DIP2B: variants seen among roughly 807,000 people sequenced by gnomAD.
DIP2B encodes DIP2 acetate--CoA ligase B (putative).
DIP2B carries 76 observed loss-of-function variants against 198.0 expected under a neutral mutation model. The observed-to-expected ratio is 0.38, with a 90% confidence interval of 0.32 to 0.46. The LOEUF is 0.46. Among genes scored for constraint, DIP2B ranks in the 20% least tolerant of loss-of-function variants. The pLI is 0.99. For synonymous variants in DIP2B, 701 were observed against 739.1 expected, an observed-to-expected ratio of 0.95 and a Z score of 0.84; for missense variants, 1,559 against 1,978.4, an observed-to-expected ratio of 0.79 and a Z score of 4.02.
intron 28 of DIP2B, among the ~76,000 whole-genome samples, chr12:50,725,781 C>T (rs1325667093): frequency 1.3e-5 from 2 of 151,918 alleles, no homozygotes; most frequent in African/African-American, 2.4e-5. Flanking sequence ...GTTAAATAAG[C>T]AGCAGAACTG....
intron 1 of DIP2B, among the ~76,000 whole-genome samples, chr12:50,617,565 T>G (rs1186134667): frequency 1.3e-5 from 2 of 151,564 alleles, no homozygotes; most frequent in Non-Finnish European, 2.9e-5. Flanking sequence ...TCCCAGCACT[T>G]TGGGAGGCCA....
intron 2 of DIP2B, among the ~76,000 whole-genome samples, chr12:50,628,584 G>A (rs563355470): frequency 6.6e-5 from 10 of 152,050 alleles, no homozygotes; most frequent in African/African-American, 2.2e-4. Context: ...TCTCTGTCTC[G>A]TACAGTCACT....
Position 50,640,602 on chromosome 12 carries a change from C to G in DIP2B, c.173-122C>G. The G allele has an allele frequency of 3.9e-6, 4 of 1,013,762 alleles. No homozygotes were observed. In the South Asian group the frequency reaches 6.8e-5, roughly 17 times the overall value. 62.8% of individuals were successfully genotyped at this position (1,013,762 alleles called of 1,614,324 possible). A position where few individuals can be genotyped will look rare whatever the true frequency, so the allele number is the denominator to read the frequency against. ...TTATGTATTTATATTGAAACTCTAACCCTTTACTGTAGATGGGGTAATAGT... is the reference window on the plus strand; with the variant it reads ...TTATGTATTTATATTGAAACTCTAAGCCTTTACTGTAGATGGGGTAATAGT... On this transcript the variant is annotated intron_variant, in intron 2 of 37. Coordinates refer to ENST00000301180, the MANE Select transcript of DIP2B (RefSeq NM_173602.3).
chr12:50,540,577 C>T (rs1240399354), intron 1 of DIP2B, among the ~76,000 whole-genome samples: 8 of 121,504 alleles, frequency 6.6e-5, no homozygotes, highest in African/African-American at 2.5e-4. Context: ...GAGATGGAGT[C>T]TCGCTCTGTC....
At chr12:50,725,172 T>C (rs1461046640) in intron 28 of DIP2B, among the ~76,000 whole-genome samples, 2 of 152,190 alleles carry the variant, frequency 1.3e-5, no homozygotes, top group Non-Finnish European at 2.9e-5. Context: ...ACTATGTACA[T>C]GTAGGGCCAA....
At chr12:50,579,539 G>A (rs1958695462) in intron 1 of DIP2B, among the ~76,000 whole-genome samples, 1 of 143,904 alleles carries the variant, frequency 6.9e-6, no homozygotes, top group African/African-American at 2.6e-5. Flanking sequence ...TTGAACCTGG[G>A]AGGTGGAGGT....
intron 7 of DIP2B, among the ~76,000 whole-genome samples, chr12:50,676,581 A>G (rs1938951115): frequency 6.6e-6 from 1 of 152,252 alleles, no homozygotes; most frequent in South Asian, 2.1e-4. Flanking sequence ...TTTAACAGGA[A>G]TCTTACCTGA....
chr12:50,566,543 T>A (rs1958564749), intron 1 of DIP2B, among the ~76,000 whole-genome samples: 1 of 152,242 alleles, frequency 6.6e-6, no homozygotes, highest in South Asian at 2.1e-4. Context: ...TTTCAATTAC[T>A]CTTTCTATAC....
intron 1 of DIP2B, among the ~76,000 whole-genome samples, chr12:50,537,662 G>A (rs1196843722): frequency 6.6e-6 from 1 of 152,122 alleles, no homozygotes; most frequent in Non-Finnish European, 1.5e-5. Flanking sequence ...GATTCATCAG[G>A]TGAATCAGAT....
intron 1 of DIP2B, among the ~76,000 whole-genome samples, chr12:50,576,050 G>T (rs574258883): frequency 6.7e-6 from 1 of 149,684 alleles, no homozygotes; most frequent in South Asian, 2.1e-4. Context: ...GAGCCACCGT[G>T]CCTGGCCCTG....
At chr12:50,600,603 T>C (rs1265748807) in intron 1 of DIP2B, among the ~76,000 whole-genome samples, 1 of 151,934 alleles carries the variant, frequency 6.6e-6, no homozygotes, top group Non-Finnish European at 1.5e-5. Context: ...CTGAAAGAGG[T>C]AGATAAGTTT....
intron 22 of DIP2B, among the ~76,000 whole-genome samples, chr12:50,709,606 C>G (rs1478770867): frequency 2.6e-5 from 4 of 151,524 alleles, no homozygotes; most frequent in Non-Finnish European, 4.4e-5. Context: ...CCACTGCACT[C>G]CAGCCTGGGG....
chr12:50,694,893 T>C (rs950208259), intron 14 of DIP2B, among the ~76,000 whole-genome samples: 2 of 150,658 alleles, frequency 1.3e-5, no homozygotes, highest in Non-Finnish European at 3.0e-5. Flanking sequence ...CTGATATGCA[T>C]AGATTTAGCT....
At position 50,660,275 on chromosome 12, in the gene DIP2B, G is replaced by A. The variant is rs2139511436; in HGVS notation, c.383G>A (p.Arg128Gln). The change falls in exon 4 of 38, where the codon CGA becomes CAA. Residue 128 changes from arginine (R) to glutamine (Q), a missense_variant. By Grantham distance (43) the Arg-to-Gln change is conservative. Coordinates refer to ENST00000301180, the MANE Select transcript of DIP2B (RefSeq NM_173602.3). ...GCTTTGCCCATGCCAACCAAAAGGCGATCCACATTTGTTCAGTCTCCTGCA... is the reference window on the plus strand; with the variant it reads ...GCTTTGCCCATGCCAACCAAAAGGCAATCCACATTTGTTCAGTCTCCTGCA... ...KMALPMPTKRRSTFVQSPADA... is the reference protein window; with the variant it reads ...KMALPMPTKRQSTFVQSPADA... 10 of 1,612,860 alleles carry A rather than the reference G, an allele frequency of 6.2e-6. No individual in the cohort carries two copies. Among genetic ancestry groups the A allele is most frequent in the East Asian group, 4.5e-5 (2 of 44,852 alleles).
chr12:50,728,724 T>C (rs771691732), intron 30 of DIP2B, 46 bp downstream of exon 30: 2 of 1,594,212 alleles, frequency 1.3e-6, no homozygotes, highest in Non-Finnish European at 1.7e-6. Context: ...GGGGTATACT[T>C]TGTGGCCATG....
intron 1 of DIP2B, among the ~76,000 whole-genome samples, chr12:50,558,918 C>T (rs1565824109): frequency 1.3e-5 from 2 of 152,290 alleles, no homozygotes; most frequent in South Asian, 4.1e-4. Flanking sequence ...CAGAGCCTCC[C>T]TCTTCTTCTA....
chr12:50,554,401 T>C (rs1026720012), intron 1 of DIP2B, among the ~76,000 whole-genome samples: 4 of 152,204 alleles, frequency 2.6e-5, no homozygotes, highest in Non-Finnish European at 4.4e-5. Flanking sequence ...TCTGCTTAGA[T>C]TTTGTTTTCT....
At chr12:50,572,065 G>A (rs1319447124) in intron 1 of DIP2B, among the ~76,000 whole-genome samples, 1 of 152,088 alleles carries the variant, frequency 6.6e-6, no homozygotes, top group African/African-American at 2.4e-5. Flanking sequence ...ATATTGCTTT[G>A]CTTAGGTTGT....
At chr12:50,622,594 A>C (rs572576627) in intron 1 of DIP2B, among the ~76,000 whole-genome samples, 1 of 152,342 alleles carries the variant, frequency 6.6e-6, no homozygotes, top group East Asian at 1.9e-4. Context: ...AAAATTTTAC[A>C]TGTGTGCAAA....
Sources: gnomAD v4.1 joint callset for allele counts (sites outside exome capture counted in the v4.1 genomes callset) on GRCh38, gnomAD v4.1.1 for gene constraint, MANE v1.5 for transcripts, NCBI Gene and HGNC (gene_info 2026-07-23, HGNC 2026-07-21) for gene names.